The following ATXN8OS variants were observed in gnomAD, a reference collection of about 807,000 sequenced individuals.
ATXN8OS encodes ATXN8 opposite strand lncRNA.
exon 5 of ATXN8OS, among the ~76,000 whole-genome samples, chr13:70,169,902 T>C (rs75534234): frequency 0.041 from 6,176 of 152,136 alleles, 227 homozygotes; most frequent in African/African-American, 0.1. Context: ...CTGGAATCAA[T>C]TGCATCCTTA....
chr13:70,156,468 G>T (rs1459582524), intron 4 of ATXN8OS, among the ~76,000 whole-genome samples: 1 of 151,808 alleles, frequency 6.6e-6, no homozygotes, highest in Non-Finnish European at 1.5e-5. Context: ...AAAACTATAA[G>T]AAATAATATT....
At chr13:70,119,388 A>C (rs1888327150) in intron 2 of ATXN8OS, among the ~76,000 whole-genome samples, 1 of 152,104 alleles carries the variant, frequency 6.6e-6, no homozygotes, top group Admixed American at 6.6e-5. Context: ...AATAACTCTT[A>C]AAGTTGCTTA....
intron 1 of ATXN8OS, chr13:70,108,124 G>C: frequency 2.5e-6 from 1 of 407,108 alleles, no homozygotes; most frequent in Non-Finnish European, 4.3e-6. Context: ...ATGCGCTTGT[G>C]GCAGAGCCTT....
intron 2 of ATXN8OS, among the ~76,000 whole-genome samples, chr13:70,122,701 C>T (rs982002845): frequency 4.0e-5 from 6 of 151,762 alleles, no homozygotes; most frequent in East Asian, 3.9e-4. Flanking sequence ...TTATGTAAAA[C>T]GTAATAGAAT....
At chr13:70,138,012 C>T in intron 3 of ATXN8OS, among the ~76,000 whole-genome samples, 1 of 152,114 alleles carries the variant, frequency 6.6e-6, no homozygotes, top group East Asian at 1.9e-4. Context: ...TTTAAATGAC[C>T]AGACCTTGAG....
At chr13:70,115,830 T>G (rs1888271546) in intron 2 of ATXN8OS, among the ~76,000 whole-genome samples, 1 of 152,048 alleles carries the variant, frequency 6.6e-6, no homozygotes, top group Non-Finnish European at 1.5e-5. Flanking sequence ...ACAAATAGAA[T>G]TATAAAAATA....
chr13:70,126,113 C>T (rs1888430122), intron 2 of ATXN8OS, among the ~76,000 whole-genome samples: 1 of 152,100 alleles, frequency 6.6e-6, no homozygotes, highest in Non-Finnish European at 1.5e-5. Context: ...GGAGTGTCCC[C>T]AATTCCGCAA....
intron 3 of ATXN8OS, among the ~76,000 whole-genome samples, chr13:70,137,140 A>G (rs1041261609): frequency 6.6e-6 from 1 of 152,240 alleles, no homozygotes; most frequent in Non-Finnish European, 1.5e-5. Context: ...AATAGCCTAT[A>G]AACTTCAGTA....
At chr13:70,152,784 G>A in intron 4 of ATXN8OS, among the ~76,000 whole-genome samples, 1 of 152,202 alleles carries the variant, frequency 6.6e-6, no homozygotes, top group East Asian at 1.9e-4. Context: ...AAAAGATTAA[G>A]AAGTTGGTTT....
chr13:70,162,669 A>G (rs1186824549), intron 4 of ATXN8OS, among the ~76,000 whole-genome samples: 1 of 152,032 alleles, frequency 6.6e-6, no homozygotes, highest in Non-Finnish European at 1.5e-5. Context: ...GCTTAGGCAA[A>G]ATATTAGGCC....
rs543510470 is a variant in ATXN8OS at position 70,159,847 on chromosome 13, A to G, written n.574-9906A>G. ...AATAATGCATTTGAAATTCATTCAC[A>G]ACATTGCATGTATAGTTAATTTATT... On this transcript the variant is annotated intron_variant and non_coding_transcript_variant, in intron 4 of 4. Transcript: ENST00000678624. Among the ~76,000 whole-genome samples, 9 of 152,338 alleles carry G rather than the reference A, an allele frequency of 5.9e-5. No individual in the cohort carries two copies. The East Asian group carries it at 1.7e-3, about 29-fold the overall frequency.
intron 3 of ATXN8OS, chr13:70,139,242 T>A (rs1231547075): frequency 2.2e-6 from 1 of 453,706 alleles, no homozygotes; most frequent in Non-Finnish European, 3.9e-6. Context: ...TGCATTCAGA[T>A]TGCCTTTTCT....
intron 3 of ATXN8OS, among the ~76,000 whole-genome samples, chr13:70,132,873 T>A (rs754771459): frequency 6.6e-6 from 1 of 151,516 alleles, no homozygotes; most frequent in East Asian, 2.0e-4. Flanking sequence ...TTTTTTTGCA[T>A]GTGCAAAGTC....
chr13:70,162,481 G>A (rs1185185307), intron 4 of ATXN8OS, among the ~76,000 whole-genome samples: 1 of 152,002 alleles, frequency 6.6e-6, no homozygotes, highest in African/African-American at 2.4e-5. Flanking sequence ...TCTTCTGTTT[G>A]TGCAACCCAA....
intron 4 of ATXN8OS, among the ~76,000 whole-genome samples, chr13:70,168,051 A>C (rs918554979): frequency 4.6e-5 from 7 of 152,006 alleles, no homozygotes; most frequent in Non-Finnish European, 8.8e-5. Context: ...TAATGTGCCC[A>C]CTTGGCTTAT....
chr13:70,156,926 T>C (rs994887590), intron 4 of ATXN8OS, among the ~76,000 whole-genome samples: 2 of 152,144 alleles, frequency 1.3e-5, no homozygotes, highest in Non-Finnish European at 2.9e-5. Context: ...CAGCATGATA[T>C]TGTGATGCCC....
chr13:70,129,036 A>T (rs953601212), intron 2 of ATXN8OS, among the ~76,000 whole-genome samples: 1 of 151,790 alleles, frequency 6.6e-6, no homozygotes, highest in East Asian at 1.9e-4. Flanking sequence ...AATTTTTTGT[A>T]TTTAGTAGAG....
At chr13:70,128,034 A>C (rs540782084) in intron 2 of ATXN8OS, among the ~76,000 whole-genome samples, 1 of 152,022 alleles carries the variant, frequency 6.6e-6, no homozygotes, top group Non-Finnish European at 1.5e-5. Flanking sequence ...ATTAAATTAT[A>C]TATAATTCAT....
chr13:70,157,663 G>T (rs1055281537), intron 4 of ATXN8OS, among the ~76,000 whole-genome samples: 35 of 152,164 alleles, frequency 2.3e-4, no homozygotes, highest in Middle Eastern at 6.8e-3. Context: ...TTAACACATA[G>T]TTGGGGAATA....
Sources: allele counts gnomAD v4.1 joint callset (sites outside exome capture counted in the v4.1 genomes callset), GRCh38; gene constraint gnomAD v4.1.1; transcripts MANE v1.5; gene names NCBI Gene and HGNC (gene_info 2026-07-23, HGNC 2026-07-21).